Variants in PPARGC1A observed in about 807,000 individuals in gnomAD.
The protein encoded by PPARGC1A is peroxisome proliferator-activated receptor gamma coactivator 1-alpha.
A neutral mutation model predicts 88.7 loss-of-function variants in PPARGC1A; 25 were observed. That is an observed-to-expected ratio of 0.28 (90% CI 0.21 to 0.39). The LOEUF is 0.39. PPARGC1A is among the 10% of genes least tolerant of loss of function. The pLI is 1.00. For missense variants in PPARGC1A, 880 were observed against 968.7 expected (o/e 0.91, Z 1.22); for synonymous variants, 363 against 355.6 (o/e 1.02, Z -0.24).
At chr4:23,813,623 G>T (rs1206521769) in intron 8 of PPARGC1A, 67 bp downstream of exon 8, 3 of 1,367,870 alleles carry the variant, frequency 2.2e-6, no homozygotes, top group Admixed American at 2.4e-5. Context: ...ATTTTTATTT[G>T]TATTTTATTT....
At chr4:24,282,839 C>T in the PPARGC1A span, among the ~76,000 whole-genome samples, 1 of 152,190 alleles carries the variant, frequency 6.6e-6, no homozygotes. Context: ...ACACACCTGT[C>T]ACCCAACTTT....
chr4:24,141,724 G>T, the PPARGC1A span, among the ~76,000 whole-genome samples: 1 of 152,300 alleles, frequency 6.6e-6, no homozygotes, highest in African/African-American at 2.4e-5. Context: ...TATCTTGCTT[G>T]CTTGGAGGCA....
chr4:24,339,243 C>T, the PPARGC1A span, among the ~76,000 whole-genome samples: 15 of 147,856 alleles, frequency 1.0e-4, no homozygotes, highest in African/African-American at 3.8e-4. Context: ...TATATACACA[C>T]ACACACACAC....
the PPARGC1A span, among the ~76,000 whole-genome samples, chr4:24,237,856 C>T: frequency 6.6e-6 from 1 of 152,188 alleles, no homozygotes; most frequent in African/African-American, 2.4e-5. Context: ...AGGAAGATGA[C>T]ACTGCCATAG....
the PPARGC1A span, among the ~76,000 whole-genome samples, chr4:24,029,012 T>C: frequency 2.0e-5 from 3 of 152,080 alleles, no homozygotes; most frequent in Non-Finnish European, 4.4e-5. Flanking sequence ...CCACAAATAG[T>C]TAGAGAAGCA....
chr4:23,825,231 A>G (rs760983456), intron 5 of PPARGC1A: 19 of 152,092 alleles, frequency 1.2e-4, no homozygotes, highest in Admixed American at 3.9e-4. Flanking sequence ...CAAAATTTCA[A>G]TTGCTTCTCT....
chr4:23,952,503 C>T, the PPARGC1A span, among the ~76,000 whole-genome samples: 1 of 152,074 alleles, frequency 6.6e-6, no homozygotes. Flanking sequence ...ACTTTACCCC[C>T]TACTGGACAG....
At chr4:24,371,462 A>G in the PPARGC1A span, among the ~76,000 whole-genome samples, 1 of 152,176 alleles carries the variant, frequency 6.6e-6, no homozygotes, top group South Asian at 2.1e-4. Flanking sequence ...GAGTGGTGGT[A>G]GCTACCTATC....
chr4:24,360,543 A>C, the PPARGC1A span, among the ~76,000 whole-genome samples: 1 of 152,202 alleles, frequency 6.6e-6, no homozygotes, highest in South Asian at 2.1e-4. Context: ...TGCCTAAAAA[A>C]GGAGCCCCAT....
the PPARGC1A span, among the ~76,000 whole-genome samples, chr4:24,444,235 A>T: frequency 1.3e-5 from 2 of 151,624 alleles, no homozygotes; most frequent in Admixed American, 6.6e-5. Context: ...GTTTCGCCAC[A>T]TTGGCCAGAC....
chr4:24,411,618 T>C, the PPARGC1A span, among the ~76,000 whole-genome samples: 2 of 152,210 alleles, frequency 1.3e-5, no homozygotes, highest in Admixed American at 6.5e-5. Flanking sequence ...ACCACCACTG[T>C]AGTATCATAC....
chr4:24,067,122 T>C, the PPARGC1A span, among the ~76,000 whole-genome samples: 1 of 152,126 alleles, frequency 6.6e-6, no homozygotes, highest in African/African-American at 2.4e-5. Context: ...TACTTATACA[T>C]CAGATTTACT....
At chr4:24,421,342 G>C in the PPARGC1A span, among the ~76,000 whole-genome samples, 16 of 141,448 alleles carry the variant, frequency 1.1e-4, no homozygotes, top group South Asian at 2.2e-4. Context: ...ATGGAGTCTC[G>C]CTCTGTCGCC....
chr4:23,825,670 C>T (rs1339929410), intron 5 of PPARGC1A, among the ~76,000 whole-genome samples: 1 of 151,972 alleles, frequency 6.6e-6, no homozygotes, highest in African/African-American at 2.4e-5. Flanking sequence ...AAATATTATT[C>T]ATGTCCAAAT....
At chr4:24,400,799 G>C in the PPARGC1A span, among the ~76,000 whole-genome samples, 2 of 152,144 alleles carry the variant, frequency 1.3e-5, no homozygotes, top group Non-Finnish European at 2.9e-5. Context: ...TGATGAAAAT[G>C]GTGACGAAGA....
At chr4:23,811,250 C>CT (rs1330513501) in intron 10 of PPARGC1A, among the ~76,000 whole-genome samples, 1 of 152,162 alleles carries the variant, frequency 6.6e-6, no homozygotes, top group Non-Finnish European at 1.5e-5. Flanking sequence ...TTAGTCAGCT[C>CT]TTTTATATAG....
chr4:24,441,734 G>C, the PPARGC1A span, among the ~76,000 whole-genome samples: 3 of 152,136 alleles, frequency 2.0e-5, no homozygotes, highest in Non-Finnish European at 4.4e-5. Flanking sequence ...AAGGAGGAAA[G>C]GAGGAGGGGA....
upstream of PPARGC1A, among the ~76,000 whole-genome samples, chr4:23,900,424 A>G (rs184651864): frequency 1.3e-5 from 2 of 152,302 alleles, no homozygotes; most frequent in East Asian, 3.9e-4. Flanking sequence ...AACTATCTGA[A>G]CCTCAAGCAC....
At chr4:23,955,302 C>T in the PPARGC1A span, among the ~76,000 whole-genome samples, 1 of 152,046 alleles carries the variant, frequency 6.6e-6, no homozygotes, top group Admixed American at 6.6e-5. Context: ...GAAATACACA[C>T]AGCATCTGCC....
Sources: gnomAD v4.1 joint callset for allele counts (sites outside exome capture counted in the v4.1 genomes callset) on GRCh38, gnomAD v4.1.1 for gene constraint, MANE v1.5 for transcripts, NCBI Gene and HGNC (gene_info 2026-07-23, HGNC 2026-07-21) for gene names.